CD14: variants seen among roughly 807,000 people sequenced by gnomAD.
CD14 encodes the protein monocyte differentiation antigen CD14.
A neutral mutation model predicts 2.5 loss-of-function variants in CD14; 4 were observed. That is an observed-to-expected ratio of 1.63 (90% CI 0.80 to 3.72). The LOEUF is 3.72. CD14 is among the 30% of genes most tolerant of loss of function. The pLI is 0.01. For synonymous variants in CD14, 236 were observed against 235.1 expected, an observed-to-expected ratio of 1.00 and a Z score of -0.04; for missense variants, 478 against 497.8, an observed-to-expected ratio of 0.96 and a Z score of 0.38.
In CD14 at chr5:140,632,380, A is replaced by C; in HGVS notation, c.604T>G (p.Ser202Ala). 6.2e-7 allele frequency: 1 copy of C among 1,614,186 alleles called. No homozygotes were observed. Among genetic ancestry groups the C allele is most frequent in the Non-Finnish European group, 8.5e-7 (1 of 1,180,042 alleles). Residue 202 changes from serine (S) to alanine (A), a missense_variant, in exon 2 of 2, where the codon TCT (serine) becomes GCT (alanine). Transcript: ENST00000302014. The surrounding 1 kb of genome is among the most constrained non-coding windows in gnomAD (Gnocchi z 6.2). ...AFPALTSLDL[S>A]DNPGLGERGL... ...CGTTCGCCCAGTCCAGGATTGTCAGACAGGTCTAGGCTGGTAAGGGCCGGG... is the reference window on the plus strand; with the variant it reads ...CGTTCGCCCAGTCCAGGATTGTCAGCCAGGTCTAGGCTGGTAAGGGCCGGG...
At chr5:140,633,215 G>T, upstream of CD14, 1 of 1,030,756 alleles carries the variant, frequency 9.7e-7, no homozygotes, top group Non-Finnish European at 1.5e-6. Context: ...GTAATCCTGG[G>T]ATGTCATTCA....
rs770900004 is a variant in CD14 at position 140,632,634 on chromosome 5, C to A, written c.350G>T (p.Arg117Leu). Residue 117 changes from arginine (R) to leucine (L), a missense_variant, in exon 2 of 2, where the codon CGC becomes CTC. Coordinates refer to ENST00000302014, the MANE Select transcript of CD14 (RefSeq NM_000591.4). This position sits in a 1 kb window ranked among gnomAD's most constrained non-coding sequence, Gnocchi z 6.2. ...GTCCTCGAGCGTCAGTTCCTTGAGG[C>A]GGGAGTACGCTAGCACACGCAGGGC... Reference protein sequence around the residue: ...VGALRVLAYSRLKELTLEDLK... With the variant: ...VGALRVLAYSLLKELTLEDLK... The A allele has an allele frequency of 1.2e-6, 2 of 1,613,778 alleles. No homozygotes were observed. The highest frequency in any genetic ancestry group is 1.7e-6 in the Non-Finnish European group (2 of 1,180,020).
chr5:140,632,653 G>A lies in CD14; in HGVS notation c.331C>T (p.Arg111Cys), dbSNP rs772326019. 5 of 1,613,678 alleles carry A rather than the reference G, an allele frequency of 3.1e-6. No homozygotes were observed. The Middle Eastern group carries it at 6.6e-4, about 213-fold the overall frequency. Residue 111 changes from arginine to cysteine, a missense_variant, in exon 2 of 2, where the codon CGT becomes TGT. Arg to Cys is a radical substitution (Grantham distance 180). Coordinates refer to ENST00000302014, the MANE Select transcript of CD14 (RefSeq NM_000591.4). The surrounding 1 kb of genome is among the most constrained non-coding windows in gnomAD (Gnocchi z 6.2). ...VPAQLLVGALRVLAYSRLKEL... is the reference protein window; with the variant it reads ...VPAQLLVGALCVLAYSRLKEL... ...TTGAGGCGGGAGTACGCTAGCACAC[G>A]CAGGGCGCCTACCAGTAGCTGAGCA...
Position 140,632,245 on chromosome 5 carries a change from C to A in CD14, c.739G>T (p.Ala247Ser). Residue 247 changes from alanine (A) to serine (S), a missense_variant, in exon 2 of 2, where the codon GCA becomes TCA. Coordinates refer to ENST00000302014, the MANE Select transcript of CD14 (RefSeq NM_000591.4). The surrounding 1 kb of genome is among the most constrained non-coding windows in gnomAD (Gnocchi z 6.2). Reference sequence around the variant, plus strand: ...TCTAGGCTGTGGGGCTGCACACCTGCCGCCGCCAGTGCGGCGCACACGCCT... The same window carrying A: ...TCTAGGCTGTGGGGCTGCACACCTGACGCCGCCAGTGCGGCGCACACGCCT... ...PTGVCAALAA[A>S]GVQPHSLDLS... The A allele has an allele frequency of 6.2e-7, 1 of 1,613,596 alleles. No individual in the cohort carries two copies. Among genetic ancestry groups the A allele is most frequent in the Non-Finnish European group, 8.5e-7 (1 of 1,180,028 alleles).
Position 140,631,939 on chromosome 5 carries a change from C to A in CD14, c.1045G>T (p.Val349Phe), listed in dbSNP as rs1325088538. 1 of 1,612,656 alleles carries A rather than the reference C, an allele frequency of 6.2e-7. No homozygotes were observed. Among genetic ancestry groups the A allele is most frequent in the South Asian group, 1.1e-5 (1 of 90,982 alleles). Residue 349 changes from valine to phenylalanine, a missense_variant, in exon 2 of 2, where the codon GTC (valine) becomes TTC (phenylalanine). Val to Phe is a conservative substitution (Grantham distance 50). Transcript: ENST00000302014. ...PHEGSMNSGVVPACARSTLSV... is the reference protein window; with the variant it reads ...PHEGSMNSGVFPACARSTLSV... ...AGGGTCGAACGTGCACAGGCTGGGA[C>A]CACGCCGGAGTTCATTGAGCCCTCG...
In CD14 at chr5:140,632,781, G is replaced by C; in HGVS notation, c.203C>G (p.Pro68Arg). The C allele has an allele frequency of 6.2e-7, 1 of 1,613,506 alleles. No individual in the cohort carries two copies. The highest frequency in any genetic ancestry group is 8.5e-7 in the Non-Finnish European group (1 of 1,180,006). Residue 68 changes from proline (P) to arginine (R), a missense_variant, in exon 2 of 2, where the codon CCG becomes CGG. Physicochemically the swap from Pro to Arg is moderately radical, Grantham distance 103. Transcript: ENST00000302014. This position sits in a 1 kb window ranked among gnomAD's most constrained non-coding sequence, Gnocchi z 6.2. ...EIHAGGLNLEPFLKRVDADAD... is the reference protein window; with the variant it reads ...EIHAGGLNLERFLKRVDADAD... ...GTCCGCATCGACGCGCTTTAGAAAC[G>C]GCTCTAGGTTGAGACCGCCGGCATG...
Position 140,632,918 on chromosome 5 carries a change from T to C in CD14, c.66A>G (p.Pro22=). The C allele has an allele frequency of 1.9e-6, 3 of 1,614,174 alleles. No homozygotes were observed. The highest frequency in any genetic ancestry group is 2.5e-6 in the Non-Finnish European group (3 of 1,180,024). The change falls in exon 2 of 2, where the codon CCA becomes CCG. Residue 22 remains proline, a synonymous_variant. Transcript: ENST00000302014. The surrounding 1 kb of genome is among the most constrained non-coding windows in gnomAD (Gnocchi z 6.2). ...LPLVHVSATT[P]EPCELDDEDF... Reference sequence around the variant, plus strand: ...CTTCATCGTCCAGCTCACAAGGTTCTGGCGTGGTCGCAGAGACGTGCACCA... The same window carrying C: ...CTTCATCGTCCAGCTCACAAGGTTCCGGCGTGGTCGCAGAGACGTGCACCA...
chr5:140,632,259 G>T lies in CD14; in HGVS notation c.725C>A (p.Ala242Asp), dbSNP rs143190948. 8.1e-6 allele frequency: 13 copies of T among 1,613,604 alleles called. No homozygotes were observed. Among genetic ancestry groups the T allele is most frequent in the Middle Eastern group, 3.3e-4 (2 of 6,084 alleles). Reference protein sequence around the residue: ...TGMETPTGVCAALAAAGVQPH... With the variant: ...TGMETPTGVCDALAAAGVQPH... The stretch of plus-strand genomic sequence containing the variant: ...CTGCACACCTGCCGCCGCCAGTGCG[G>T]CGCACACGCCTGTGGGCGTCTCCAT... The change falls in exon 2 of 2, where the codon GCC (alanine) becomes GAC (aspartate). Residue 242 changes from alanine to aspartate, a missense_variant. Transcript: ENST00000302014. The surrounding 1 kb of genome is among the most constrained non-coding windows in gnomAD (Gnocchi z 6.2).
At position 140,631,966 on chromosome 5, in the gene CD14, G is replaced by C. The variant is rs368708682; in HGVS notation, c.1018C>G (p.His340Asp). ...ACGCCGGAGTTCATTGAGCCCTCGT[G>C]GGGGAGGGCAGTTCCAGGGACCAGG... ...PFLVPGTALP[H>D]EGSMNSGVVP... The change falls in exon 2 of 2, where the codon CAC becomes GAC. Residue 340 changes from histidine to aspartate, a missense_variant. Physicochemically the swap from His to Asp is moderately conservative, Grantham distance 81. Transcript: ENST00000302014. 14 of 1,613,526 alleles carry C rather than the reference G, an allele frequency of 8.7e-6. No homozygotes were observed. Among genetic ancestry groups the C allele is most frequent in the Middle Eastern group, 1.6e-4 (1 of 6,082 alleles).
Position 140,632,795 on chromosome 5 carries a change from ACC to A in CD14, c.187_188del (p.Gly63SerfsTer21). 3 of 1,613,658 alleles carry A rather than the reference ACC, an allele frequency of 1.9e-6. No homozygotes were observed. Among genetic ancestry groups the A allele is most frequent in the Non-Finnish European group, 2.5e-6 (3 of 1,180,020 alleles). On this transcript the variant is annotated frameshift_variant, in exon 2 of 2. Coordinates refer to ENST00000302014, the MANE Select transcript of CD14 (RefSeq NM_000591.4). LOFTEE classifies it low-confidence loss of function (END_TRUNC). This position sits in a 1 kb window ranked among gnomAD's most constrained non-coding sequence, Gnocchi z 6.2. ...GCTTTAGAAACGGCTCTAGGTTGAG[ACC>A]GCCGGCATGGATCTCCACCTCTACT... Reference protein sequence around the residue: ...SAVEVEIHAGGLNLEPFLKRV... With the variant: ...SAVEVEIHAGXLNLEPFLKRV...
upstream of CD14, chr5:140,633,327 G>T: frequency 1.6e-6 from 1 of 610,078 alleles, no homozygotes; most frequent in East Asian, 2.8e-5. Context: ...TTTCAGGGAG[G>T]GGGACCGTAA....
rs1394570440 is a variant in CD14, at chr5:140,632,083, C to T, written c.901G>A (p.Val301Met). The change falls in exon 2 of 2, where the codon GTG becomes ATG. Residue 301 changes from valine to methionine, a missense_variant. Transcript: ENST00000302014. This position sits in a 1 kb window ranked among gnomAD's most constrained non-coding sequence, Gnocchi z 6.2. ...VPKGLPAKLR[V>M]LDLSCNRLNR... is the part of the protein sequence containing the mutation. ...AGTCTGTTGCAGCTGAGATCGAGCA[C>T]TCTGAGCTTGGCTGGCAGTCCTTTA... 1 of 1,614,102 alleles carries T rather than the reference C, an allele frequency of 6.2e-7. No homozygotes were observed. Among genetic ancestry groups the T allele is most frequent in the South Asian group, 1.1e-5 (1 of 91,088 alleles).
chr5:140,632,959 GCAA>G lies in CD14; in HGVS notation c.22_24del (p.Leu12del), dbSNP rs758551783. The G allele has an allele frequency of 6.2e-7, 1 of 1,614,126 alleles. No individual in the cohort carries two copies. Among genetic ancestry groups the G allele is most frequent in the Non-Finnish European group, 8.5e-7 (1 of 1,180,020 alleles). On this transcript the variant is annotated inframe_deletion, in exon 2 of 2. Transcript: ENST00000302014. This position sits in a 1 kb window ranked among gnomAD's most constrained non-coding sequence, Gnocchi z 6.2. The stretch of plus-strand genomic sequence containing the variant: ...ACGTGCACCAGCGGCAGCAGCAGCA[GCAA>G]CAAGCAGGACGCGCGCTCCTGGGGA...
In CD14 at chr5:140,631,892, G is replaced by A. The variant is rs1756585155; in HGVS notation, c.1092C>T (p.Thr364=). 6.3e-7 allele frequency: 1 copy of A among 1,588,746 alleles called. No homozygotes were observed. The highest frequency in any genetic ancestry group is 1.3e-5 in the African/African-American group (1 of 74,598). Residue 364 remains threonine, a synonymous_variant, in exon 2 of 2, where the codon ACC becomes ACT. Coordinates refer to ENST00000302014, the MANE Select transcript of CD14 (RefSeq NM_000591.4). ...RSTLSVGVSG[T]LVLLQGARGF... is the part of the protein sequence containing the mutation. Reference sequence around the variant, plus strand: ...CCCGGGCCCCTTGGAGCAGCACCAGGGTTCCCGACACCCCCACCGACAGGG... The same window carrying A: ...CCCGGGCCCCTTGGAGCAGCACCAGAGTTCCCGACACCCCCACCGACAGGG...
In CD14 at chr5:140,632,770, G is replaced by A. The variant is rs376865889; in HGVS notation, c.214C>T (p.Arg72Cys). The change falls in exon 2 of 2, where the codon CGC becomes TGC. Residue 72 changes from arginine (R) to cysteine (C), a missense_variant. Transcript: ENST00000302014. This position sits in a 1 kb window ranked among gnomAD's most constrained non-coding sequence, Gnocchi z 6.2. ...CGCGGGTCGGCGTCCGCATCGACGCGCTTTAGAAACGGCTCTAGGTTGAGA... is the reference window on the plus strand; with the variant it reads ...CGCGGGTCGGCGTCCGCATCGACGCACTTTAGAAACGGCTCTAGGTTGAGA... Reference protein sequence around the residue: ...GGLNLEPFLKRVDADADPRQY... With the variant: ...GGLNLEPFLKCVDADADPRQY... The A allele has an allele frequency of 6.2e-7, 1 of 1,613,390 alleles. No individual in the cohort carries two copies. The highest frequency in any genetic ancestry group is 1.3e-5 in the African/African-American group (1 of 75,042).
rs1337568315 is a variant in CD14, at chr5:140,631,804, A to G, written c.*52T>C. 6.7e-7 allele frequency: 1 copy of G among 1,484,964 alleles called. No individual in the cohort carries two copies. The highest frequency in any genetic ancestry group is 9.1e-7 in the Non-Finnish European group (1 of 1,104,618). 92.0% of individuals were successfully genotyped at this position (1,484,964 alleles called of 1,614,324 possible). Reference sequence around the variant, plus strand: ...GAAAAGTCCTCAACGTCCTGACGGGACTCCCCTGAAGCCAAGGCAGTTTGA... The same window carrying G: ...GAAAAGTCCTCAACGTCCTGACGGGGCTCCCCTGAAGCCAAGGCAGTTTGA... On this transcript the variant is annotated 3_prime_UTR_variant, in exon 2 of 2. Coordinates refer to ENST00000302014, the MANE Select transcript of CD14 (RefSeq NM_000591.4).
In CD14 at chr5:140,632,922, G is replaced by A. The variant is rs566040317; in HGVS notation, c.62C>T (p.Thr21Met). The A allele has an allele frequency of 6.2e-7, 1 of 1,614,176 alleles. No homozygotes were observed. Among genetic ancestry groups the A allele is most frequent in the Admixed American group, 1.7e-5 (1 of 60,024 alleles). The change falls in exon 2 of 2, where the codon ACG (threonine) becomes ATG (methionine). Residue 21 changes from threonine (T) to methionine (M), a missense_variant. By Grantham distance (81) the Thr-to-Met change is moderately conservative. Transcript: ENST00000302014. This position sits in a 1 kb window ranked among gnomAD's most constrained non-coding sequence, Gnocchi z 6.2. ...ATCGTCCAGCTCACAAGGTTCTGGC[G>A]TGGTCGCAGAGACGTGCACCAGCGG... The part of the protein sequence containing the change: ...LLPLVHVSAT[T>M]PEPCELDDED...
At chr5:140,633,263 C>G (rs915202206), upstream of CD14, 23 of 692,884 alleles carry the variant, frequency 3.3e-5, no homozygotes, top group East Asian at 4.6e-4. Flanking sequence ...CTCCCCACCT[C>G]TCTTCCTCCG....
In CD14 at chr5:140,631,807, C is replaced by G; in HGVS notation, c.*49G>C. 3 of 1,499,660 alleles carry G rather than the reference C, an allele frequency of 2.0e-6. No homozygotes were observed. The highest frequency in any genetic ancestry group is 1.3e-5 in the South Asian group (1 of 75,098). The allele number at this position is 1,499,660 out of a possible 1,614,324, so 92.9% of individuals were successfully genotyped here. ...AAGTCCTCAACGTCCTGACGGGACT[C>G]CCCTGAAGCCAAGGCAGTTTGAGTC... On this transcript the variant is annotated 3_prime_UTR_variant, in exon 2 of 2. Transcript: ENST00000302014.
Sources: allele counts gnomAD v4.1 joint callset, GRCh38; gene constraint gnomAD v4.1.1; non-coding constraint Gnocchi (gnomAD v3.1); transcripts MANE v1.5; gene names NCBI Gene and HGNC (gene_info 2026-07-23, HGNC 2026-07-21).